The following BLTP3B variants were observed in gnomAD, a reference collection of about 807,000 sequenced individuals.
BLTP3B encodes the protein bridge-like lipid transfer protein family member 3B.
the BLTP3B span, chr12:100,072,594 T>C: frequency 4.1e-6 from 5 of 1,220,226 alleles, no homozygotes; most frequent in Non-Finnish European, 5.5e-6. Context: ...TTTTTCATAT[T>C]TATAAAACTC....
chr12:100,090,985 G>GA, the BLTP3B span, among the ~76,000 whole-genome samples: 3 of 146,406 alleles, frequency 2.0e-5, no homozygotes, highest in East Asian at 3.9e-4. Flanking sequence ...ATTTCTGGAA[G>GA]AAAAAAAATG....
the BLTP3B span, chr12:100,057,485 C>T: frequency 3.8e-6 from 4 of 1,062,272 alleles, no homozygotes; most frequent in Non-Finnish European, 5.2e-6. Context: ...GTACAGTTAA[C>T]AATTACTGAA....
At chr12:100,086,264 G>T in the BLTP3B span, 1 of 1,381,506 alleles carries the variant, frequency 7.2e-7, no homozygotes, top group Non-Finnish European at 9.5e-7. Flanking sequence ...TAAAGATGCT[G>T]TTATACACAC....
the BLTP3B span, among the ~76,000 whole-genome samples, chr12:100,084,251 C>T: frequency 1.3e-5 from 2 of 151,610 alleles, no homozygotes; most frequent in East Asian, 3.9e-4. Flanking sequence ...CAGCACTTTG[C>T]GGAGGGCCAA....
the BLTP3B span, among the ~76,000 whole-genome samples, chr12:100,130,998 AG>A: frequency 5.3e-5 from 4 of 75,638 alleles, no homozygotes; most frequent in South Asian, 3.3e-4. Context: ...AGAGAGAGAG[AG>A]AGAGAGAGAG....
chr12:100,058,917 G>A, the BLTP3B span: 898 of 1,613,930 alleles, frequency 5.6e-4, 2 homozygotes, highest in African/African-American at 0.011. Flanking sequence ...TGATGAAGAA[G>A]GCTTCTGACC....
chr12:100,056,693 C>A, the BLTP3B span, among the ~76,000 whole-genome samples: 2 of 151,762 alleles, frequency 1.3e-5, no homozygotes, highest in Admixed American at 1.3e-4. Flanking sequence ...CAAAAATTAG[C>A]CAGGCATGGT....
chr12:100,071,570 A>G, the BLTP3B span, among the ~76,000 whole-genome samples: 1 of 152,012 alleles, frequency 6.6e-6, no homozygotes, highest in African/African-American at 2.4e-5. Flanking sequence ...TATTCAAAGA[A>G]TACAAATGTA....
chr12:100,086,363 G>GAA, the BLTP3B span: 120 of 374,802 alleles, frequency 3.2e-4, no homozygotes, highest in Middle Eastern at 1.1e-3. Context: ...TTGACTCTGG[G>GAA]AAAAAAAAAG....
At chr12:100,096,373 A>G in the BLTP3B span, among the ~76,000 whole-genome samples, 4 of 152,224 alleles carry the variant, frequency 2.6e-5, no homozygotes, top group African/African-American at 9.6e-5. Context: ...CAAGTTATAT[A>G]GCACTTATAT....
the BLTP3B span, among the ~76,000 whole-genome samples, chr12:100,107,516 T>C: frequency 1.1e-4 from 16 of 151,142 alleles, no homozygotes; most frequent in South Asian, 2.9e-3. Flanking sequence ...GTGCCTGAAA[T>C]CCCAGCTACT....
the BLTP3B span, among the ~76,000 whole-genome samples, chr12:100,055,697 G>T: frequency 1.5e-5 from 2 of 130,074 alleles, no homozygotes; most frequent in South Asian, 2.5e-4. Flanking sequence ...AAAAAAAAAA[G>T]AATAACAAGA....
chr12:100,140,725 AAAAAAT>A, the BLTP3B span, among the ~76,000 whole-genome samples: 2 of 95,458 alleles, frequency 2.1e-5, no homozygotes, highest in African/African-American at 5.7e-5. Flanking sequence ...AAAAAAAAAA[AAAAAAT>A]ATATATATAT....
the BLTP3B span, among the ~76,000 whole-genome samples, chr12:100,091,207 T>G: frequency 8.2e-6 from 1 of 121,832 alleles, no homozygotes; most frequent in Non-Finnish European, 1.7e-5. Flanking sequence ...TTTTTTTTTT[T>G]GAGACAGAGT....
At chr12:100,075,015 CTTT>C in the BLTP3B span, among the ~76,000 whole-genome samples, 3 of 140,134 alleles carry the variant, frequency 2.1e-5, no homozygotes, top group Admixed American at 7.1e-5. Flanking sequence ...CTACACCTTC[CTTT>C]TTTTTTTTTT....
the BLTP3B span, chr12:100,039,513 A>T: frequency 1.5e-6 from 2 of 1,325,122 alleles, no homozygotes; most frequent in East Asian, 2.5e-5. Context: ...TATTAAAATA[A>T]GTAAACAATG....
chr12:100,138,104 C>T, the BLTP3B span, among the ~76,000 whole-genome samples: 4 of 152,316 alleles, frequency 2.6e-5, no homozygotes, highest in Non-Finnish European at 5.9e-5. Context: ...AGACATTAAA[C>T]ATCCTACAAT....
the BLTP3B span, chr12:100,051,193 G>A: frequency 6.2e-7 from 1 of 1,609,918 alleles, no homozygotes; most frequent in Admixed American, 1.7e-5. Flanking sequence ...CTGTGCCCCT[G>A]TAATTTGTAG....
the BLTP3B span, among the ~76,000 whole-genome samples, chr12:100,132,474 G>C: frequency 6.6e-6 from 1 of 152,134 alleles, no homozygotes; most frequent in Non-Finnish European, 1.5e-5. Flanking sequence ...CACGTGCGTA[G>C]GTTGTTATAA....
Sources: allele counts gnomAD v4.1 joint callset (sites outside exome capture counted in the v4.1 genomes callset), GRCh38; gene constraint gnomAD v4.1.1; transcripts MANE v1.5; gene names NCBI Gene and HGNC (gene_info 2026-07-23, HGNC 2026-07-21).